Variants in NAALADL2 observed in about 807,000 individuals in gnomAD.
NAALADL2 encodes the protein inactive N-acetylated-alpha-linked acidic dipeptidase-like protein 2.
A neutral mutation model predicts 87.2 loss-of-function variants in NAALADL2; 76 were observed. That is an observed-to-expected ratio of 0.87 (90% CI 0.72 to 1.05). The LOEUF (loss-of-function observed/expected upper bound fraction) is 1.05. Among genes scored for constraint, NAALADL2 ranks in the 50% least tolerant of loss-of-function variants. NAALADL2 has a pLI of 0.00. For missense variants in NAALADL2, 1,089 were observed against 945.8 expected (o/e 1.15, Z -1.99); for synonymous variants, 354 against 331.0 (o/e 1.07, Z -0.75).
intron 2 of NAALADL2, chr3:174,551,284 A>C (rs1712099412): frequency 6.6e-6 from 1 of 152,166 alleles, no homozygotes; most frequent in African/African-American, 2.4e-5. Flanking sequence ...TTTGTTTGCT[A>C]ATGTAGCACA....
At chr3:175,626,911 T>C (rs2149714444) in intron 10 of NAALADL2, among the ~76,000 whole-genome samples, 1 of 151,982 alleles carries the variant, frequency 6.6e-6, no homozygotes, top group East Asian at 1.9e-4. Flanking sequence ...AGTTCAGAAT[T>C]TGGTCTTGAA....
intron 3 of NAALADL2, among the ~76,000 whole-genome samples, chr3:174,839,700 A>G (rs969234792): frequency 5.9e-5 from 9 of 152,188 alleles, no homozygotes; most frequent in African/African-American, 1.4e-4. Context: ...TGAATAGACA[A>G]TTCTCAAAAG....
In NAALADL2 at chr3:175,313,479, G is replaced by A. The variant is rs147660346; in HGVS notation, c.940-10696G>A. On this transcript the variant is annotated intron_variant, in intron 4 of 13. Coordinates refer to ENST00000454872, the MANE Select transcript of NAALADL2 (RefSeq NM_207015.3). The stretch of plus-strand genomic sequence containing the variant: ...TGATGGAAATAATACAAGCTTTTCC[G>A]TTTGGTTCTTGATATCCAAGTGGTA... Among the ~76,000 whole-genome samples the A allele has an allele frequency of 1.8e-3, 268 of 152,258 alleles. 1 individual carries two copies. Among genetic ancestry groups the A allele is most frequent in the South Asian group, 5.8e-3 (28 of 4,832 alleles).
At chr3:174,852,527 T>TA (rs1252562000) in intron 3 of NAALADL2, among the ~76,000 whole-genome samples, 6 of 152,114 alleles carry the variant, frequency 3.9e-5, no homozygotes, top group Non-Finnish European at 8.8e-5. Context: ...AATATCTCTA[T>TA]AAAAAACTAT....
chr3:174,471,571 AT>A (rs11425421), intron 1 of NAALADL2, among the ~76,000 whole-genome samples: 80 of 151,578 alleles, frequency 5.3e-4, no homozygotes, highest in South Asian at 1.7e-3. Context: ...GAGACTATCA[AT>A]TTTTTTTAAG....
At chr3:174,640,684 C>T (rs1444382184) in intron 2 of NAALADL2, among the ~76,000 whole-genome samples, 1 of 152,140 alleles carries the variant, frequency 6.6e-6, no homozygotes, top group Non-Finnish European at 1.5e-5. Context: ...GGCCTTTTTG[C>T]CTTTAGCTTT....
intron 2 of NAALADL2, among the ~76,000 whole-genome samples, chr3:174,600,568 G>A (rs775836959): frequency 2.0e-5 from 3 of 151,918 alleles, no homozygotes; most frequent in East Asian, 1.9e-4. Context: ...GTGAGTACAC[G>A]GTAAGTGCAT....
chr3:174,772,757 A>G (rs1453843444), intron 3 of NAALADL2, among the ~76,000 whole-genome samples: 1 of 152,196 alleles, frequency 6.6e-6, no homozygotes, highest in Non-Finnish European at 1.5e-5. Context: ...GTTAAGGTGG[A>G]AACACAAGAG....
chr3:174,613,456 T>C (rs1324982581), intron 2 of NAALADL2, among the ~76,000 whole-genome samples: 1 of 152,062 alleles, frequency 6.6e-6, no homozygotes, highest in Non-Finnish European at 1.5e-5. Context: ...ATCTACTTAG[T>C]GTGCTATCGT....
chr3:175,021,944 G>A (rs4343634), intron 1 of NAALADL2, among the ~76,000 whole-genome samples: 8,556 of 152,040 alleles, frequency 0.056, 302 homozygotes, highest in Middle Eastern at 0.12. Context: ...AGGTGTTTAG[G>A]TCATGGGACT....
chr3:174,976,356 A>C (rs1448711736), intron 1 of NAALADL2, among the ~76,000 whole-genome samples: 6 of 152,174 alleles, frequency 3.9e-5, no homozygotes, highest in African/African-American at 1.4e-4. Context: ...AAGCTATTTT[A>C]AGTACACATA....
chr3:175,783,942 C>G (rs930980642), intron 13 of NAALADL2, among the ~76,000 whole-genome samples: 2 of 140,972 alleles, frequency 1.4e-5, no homozygotes, highest in Non-Finnish European at 3.0e-5. Flanking sequence ...AAGGCTTTTT[C>G]TGCATCTATT....
At chr3:175,302,315 A>G (rs1451119056) in intron 4 of NAALADL2, among the ~76,000 whole-genome samples, 1 of 152,206 alleles carries the variant, frequency 6.6e-6, no homozygotes, top group Non-Finnish European at 1.5e-5. Flanking sequence ...TGTCTCACTG[A>G]CATATGTATT....
chr3:175,463,978 C>T (rs1220436637), intron 7 of NAALADL2, among the ~76,000 whole-genome samples: 2 of 151,968 alleles, frequency 1.3e-5, no homozygotes, highest in Non-Finnish European at 2.9e-5. Flanking sequence ...TACAGGCACC[C>T]ACCACCAAGC....
intron 9 of NAALADL2, among the ~76,000 whole-genome samples, chr3:175,557,646 A>G (rs9830654): frequency 0.047 from 7,203 of 152,184 alleles, 381 homozygotes; most frequent in African/African-American, 0.13. Flanking sequence ...ATAAGTGAGA[A>G]CACATGAAGT....
intron 1 of NAALADL2, among the ~76,000 whole-genome samples, chr3:175,086,498 T>C (rs1048071301): frequency 6.6e-6 from 1 of 152,144 alleles, no homozygotes; most frequent in Non-Finnish European, 1.5e-5. Flanking sequence ...AAAGGTTAGA[T>C]GAATTCTAAA....
chr3:175,452,229 TTC>T (rs907908560), intron 6 of NAALADL2, among the ~76,000 whole-genome samples: 15 of 26,850 alleles, frequency 5.6e-4, no homozygotes, highest in East Asian at 1.8e-3. Context: ...TGTCTTCAGA[TTC>T]TCTCTCTCTC....
At chr3:174,865,226 A>C (rs2109565174) in intron 1 of NAALADL2, among the ~76,000 whole-genome samples, 1 of 152,212 alleles carries the variant, frequency 6.6e-6, no homozygotes. Flanking sequence ...CTACCAACTA[A>C]AAAAGTCGAA....
At chr3:174,876,439 A>G (rs1728520864) in intron 1 of NAALADL2, among the ~76,000 whole-genome samples, 1 of 152,172 alleles carries the variant, frequency 6.6e-6, no homozygotes, top group Non-Finnish European at 1.5e-5. Context: ...TCTGCATAAA[A>G]TGAACCAACA....
Sources: gnomAD v4.1 joint callset for allele counts (sites outside exome capture counted in the v4.1 genomes callset) on GRCh38, gnomAD v4.1.1 for gene constraint, MANE v1.5 for transcripts, NCBI Gene and HGNC (gene_info 2026-07-23, HGNC 2026-07-21) for gene names.